The following FHIT variants were observed in gnomAD, a reference collection of about 807,000 sequenced individuals.
The protein encoded by FHIT is fragile histidine triad diadenosine triphosphatase.
A neutral mutation model predicts 17.9 loss-of-function variants in FHIT; 19 were observed. The observed-to-expected ratio is 1.06, with a 90% CI of 0.74 to 1.56. The LOEUF is 1.56. Ranked by LOEUF, FHIT falls within the 40% of genes most tolerant of loss-of-function variation. The probability of loss-of-function intolerance (pLI) is 0.00; values close to 1 mark genes in which losing one functional copy is unlikely to be tolerated. For synonymous variants in FHIT, 81 were observed against 69.7 expected (o/e 1.16, Z -0.81); for missense variants, 248 against 189.2 (o/e 1.31, Z -1.82).
At chr3:60,210,146 C>A (rs9311753) in intron 5 of FHIT, among the ~76,000 whole-genome samples, 4,339 of 152,174 alleles carry the variant, frequency 0.029, 185 homozygotes, top group African/African-American at 0.094. Flanking sequence ...AAAAGATAAA[C>A]CCAAGTGAAT....
intron 4 of FHIT, among the ~76,000 whole-genome samples, chr3:60,565,414 C>A (rs1050546130): frequency 3.9e-5 from 6 of 152,130 alleles, no homozygotes; most frequent in African/African-American, 1.4e-4. Flanking sequence ...AATTCATAAA[C>A]AATACAACAC....
intron 5 of FHIT, among the ~76,000 whole-genome samples, chr3:60,481,969 G>C (rs764768507): frequency 1.3e-5 from 2 of 152,100 alleles, no homozygotes; most frequent in Non-Finnish European, 2.9e-5. Context: ...CAAAATAAAG[G>C]AATGGAGGAA....
intron 3 of FHIT, among the ~76,000 whole-genome samples, chr3:60,915,666 A>G (rs1254725694): frequency 1.3e-5 from 2 of 152,174 alleles, no homozygotes; most frequent in Non-Finnish European, 2.9e-5. Flanking sequence ...AAGTGTCAGC[A>G]CAATGATATC....
At chr3:60,566,190 T>C (rs937316673) in intron 4 of FHIT, among the ~76,000 whole-genome samples, 9 of 152,084 alleles carry the variant, frequency 5.9e-5, no homozygotes, top group Non-Finnish European at 1.3e-4. Context: ...AGTGGTCAAT[T>C]TTGGAATCAG....
chr3:60,590,031 C>A (rs1468704605), intron 4 of FHIT, among the ~76,000 whole-genome samples: 2 of 152,048 alleles, frequency 1.3e-5, no homozygotes. Context: ...GACACATCTA[C>A]AAGACTGCTG....
intron 4 of FHIT, among the ~76,000 whole-genome samples, chr3:60,672,597 G>A (rs557967217): frequency 1.2e-4 from 19 of 152,310 alleles, no homozygotes; most frequent in South Asian, 1.2e-3. Context: ...CCATCTGGGC[G>A]TATACGTGCA....
intron 7 of FHIT, among the ~76,000 whole-genome samples, chr3:59,997,195 GT>G (rs1008849755): frequency 6.6e-6 from 1 of 152,182 alleles, no homozygotes; most frequent in African/African-American, 2.4e-5. Flanking sequence ...GGAGGAACCA[GT>G]TTGGGAAAGG....
intron 5 of FHIT, among the ~76,000 whole-genome samples, chr3:60,030,153 C>T (rs1700941191): frequency 6.6e-6 from 1 of 152,044 alleles, no homozygotes; most frequent in Admixed American, 6.6e-5. Flanking sequence ...AAGGTTTCCC[C>T]ACCAAATGTT....
chr3:61,208,895 T>C (rs567731020), intron 1 of FHIT, among the ~76,000 whole-genome samples: 31 of 152,122 alleles, frequency 2.0e-4, no homozygotes, highest in African/African-American at 6.5e-4. Context: ...TTAGTTGATG[T>C]GGTTTCTTCC....
intron 8 of FHIT, among the ~76,000 whole-genome samples, chr3:59,808,507 C>T (rs751801746): frequency 2.0e-5 from 3 of 152,202 alleles, no homozygotes; most frequent in Admixed American, 6.5e-5. Flanking sequence ...GGTCCAACCA[C>T]GTCCACTCCT....
At chr3:60,675,250 A>G (rs782127155) in intron 4 of FHIT, among the ~76,000 whole-genome samples, 158 of 152,344 alleles carry the variant, frequency 1.0e-3, no homozygotes, top group Admixed American at 2.5e-3. Flanking sequence ...AAAATGCTTT[A>G]GTATCTCTCT....
At chr3:59,828,927 AT>A (rs1319544394) in intron 8 of FHIT, among the ~76,000 whole-genome samples, 3 of 150,976 alleles carry the variant, frequency 2.0e-5, no homozygotes, top group African/African-American at 7.3e-5. Flanking sequence ...CACAGAACTC[AT>A]TTTGTATTAT....
At chr3:60,160,734 A>G (rs1700902781) in intron 5 of FHIT, among the ~76,000 whole-genome samples, 1 of 152,200 alleles carries the variant, frequency 6.6e-6, no homozygotes, top group African/African-American at 2.4e-5. Flanking sequence ...ATGACAACAT[A>G]TGACACCCAA....
At chr3:60,342,582 A>T (rs187623201) in intron 5 of FHIT, among the ~76,000 whole-genome samples, 2 of 152,230 alleles carry the variant, frequency 1.3e-5, no homozygotes, top group Non-Finnish European at 2.9e-5. Flanking sequence ...GATGATTTAC[A>T]TAATTCTGTA....
intron 4 of FHIT, among the ~76,000 whole-genome samples, chr3:60,760,492 C>T (rs1048504447): frequency 1.6e-4 from 25 of 152,212 alleles, no homozygotes; most frequent in African/African-American, 4.6e-4. Flanking sequence ...AGTAGGATTG[C>T]TGAGCAGTGT....
intron 4 of FHIT, among the ~76,000 whole-genome samples, chr3:60,637,032 G>T (rs1479586786): frequency 6.6e-6 from 1 of 152,036 alleles, no homozygotes; most frequent in African/African-American, 2.4e-5. Context: ...CTGCTGTCTG[G>T]GAATCCTGGC....
chr3:60,963,174 G>A lies in FHIT; in HGVS notation c.-111+78873C>T, dbSNP rs569007155. On this transcript the variant is annotated intron_variant, in intron 3 of 9. Coordinates refer to ENST00000492590, the MANE Select transcript of FHIT (RefSeq NM_002012.4). ...TAGTCTTGGGAGAGTGTATGTGTCC[G>A]GGAATTTATCCATTTCTTCTAGATT... Among the ~76,000 whole-genome samples, 13 of 152,030 alleles carry A rather than the reference G, an allele frequency of 8.6e-5. No individual in the cohort carries two copies. In the South Asian group the frequency reaches 2.5e-3, roughly 29 times the overall value.
Position 59,955,948 on chromosome 3 carries a change from T to C in FHIT, c.280-33534A>G, listed in dbSNP as rs576500615. Among the ~76,000 whole-genome samples, 106 of 152,318 alleles carry C rather than the reference T, an allele frequency of 7.0e-4. No homozygotes were observed. The Middle Eastern group carries it at 0.014, about 20-fold the overall frequency. On this transcript the variant is annotated intron_variant, in intron 7 of 9. Coordinates refer to ENST00000492590, the MANE Select transcript of FHIT (RefSeq NM_002012.4). ...TAACAAATGAAACTGATCCCAGTAC[T>C]CTGTGTTCCATCCATCAGTGGCTTC...
In FHIT at chr3:60,298,057, G is replaced by A. The variant is rs575768473; in HGVS notation, c.103+238803C>T. Among the ~76,000 whole-genome samples the A allele has an allele frequency of 2.0e-5, 3 of 152,168 alleles. No individual in the cohort carries two copies. The South Asian group carries it at 6.2e-4, about 32-fold the overall frequency. ...AGATGGAAGAGATGGAGAGGACAAG[G>A]TATGTGGGAAGGAGTGTAGACCTTC... On this transcript the variant is annotated intron_variant, in intron 5 of 9. Transcript: ENST00000492590.
Sources: gnomAD v4.1 joint callset for allele counts (sites outside exome capture counted in the v4.1 genomes callset) on GRCh38, gnomAD v4.1.1 for gene constraint, MANE v1.5 for transcripts, NCBI Gene and HGNC (gene_info 2026-07-23, HGNC 2026-07-21) for gene names.